SLC2A13: variants seen among roughly 807,000 people sequenced by gnomAD.
SLC2A13 encodes solute carrier family 2 member 13.
In SLC2A13, 32 loss-of-function variants were observed where a neutral mutation model predicts 64.4. The ratio of observed to expected loss-of-function variants is 0.50; its 90% CI spans 0.37 to 0.67. The LOEUF (loss-of-function observed/expected upper bound fraction) is 0.67, where lower values mean the gene tolerates loss of function less well. SLC2A13 is among the 30% of genes least tolerant of loss of function. SLC2A13 has a pLI of 0.00. For synonymous variants in SLC2A13, 338 were observed against 327.1 expected, an observed-to-expected ratio of 1.03 and a Z score of -0.36; for missense variants, 743 against 829.2, an observed-to-expected ratio of 0.90 and a Z score of 1.28.
At chr12:39,815,782 GA>G (rs1281371335) in intron 7 of SLC2A13, among the ~76,000 whole-genome samples, 1 of 152,152 alleles carries the variant, frequency 6.6e-6, no homozygotes, top group Non-Finnish European at 1.5e-5. Flanking sequence ...TCCCAGTCTG[GA>G]AAAAACAAAT....
chr12:39,988,742 A>T (rs1947080827), intron 3 of SLC2A13, among the ~76,000 whole-genome samples: 1 of 149,730 alleles, frequency 6.7e-6, no homozygotes, highest in African/African-American at 2.5e-5. Flanking sequence ...GGGGAGGAAA[A>T]TGCTGCTAAA....
At chr12:39,959,028 A>C (rs1004444255) in intron 3 of SLC2A13, among the ~76,000 whole-genome samples, 1 of 152,174 alleles carries the variant, frequency 6.6e-6, no homozygotes, top group Non-Finnish European at 1.5e-5. Flanking sequence ...TCCTTGATGA[A>C]TATAAGGAAT....
At chr12:40,074,166 A>AT (rs34071336) in intron 1 of SLC2A13, among the ~76,000 whole-genome samples, 65 of 121,882 alleles carry the variant, frequency 5.3e-4, no homozygotes, top group South Asian at 1.6e-3. Context: ...CATCAAAGAC[A>AT]TTTTTTTTTT....
chr12:40,059,485 G>T (rs1027489917), intron 1 of SLC2A13, among the ~76,000 whole-genome samples: 1 of 152,150 alleles, frequency 6.6e-6, no homozygotes, highest in Non-Finnish European at 1.5e-5. Context: ...TCCCACTTTA[G>T]GTTTGATTTC....
intron 4 of SLC2A13, among the ~76,000 whole-genome samples, chr12:39,896,515 TGTATACA>T (rs1944906590): frequency 7.2e-6 from 1 of 139,084 alleles, no homozygotes; most frequent in Non-Finnish European, 1.6e-5. Flanking sequence ...TGTACATGTG[TGTATACA>T]TGTATACATG....
chr12:40,066,079 T>C (rs1937705550), intron 1 of SLC2A13, among the ~76,000 whole-genome samples: 2 of 152,202 alleles, frequency 1.3e-5, no homozygotes, highest in African/African-American at 4.8e-5. Context: ...CACACACATA[T>C]TAAACAGAGC....
chr12:40,039,578 T>C (rs1210671197), intron 2 of SLC2A13, among the ~76,000 whole-genome samples: 1 of 152,248 alleles, frequency 6.6e-6, no homozygotes, highest in Non-Finnish European at 1.5e-5. Flanking sequence ...ATTCTAGTCA[T>C]TGTTCTACAG....
chr12:39,808,999 G>T (rs1942062457), intron 7 of SLC2A13, among the ~76,000 whole-genome samples: 2 of 152,060 alleles, frequency 1.3e-5, no homozygotes, highest in African/African-American at 2.4e-5. Flanking sequence ...ATGTCGCAAA[G>T]ATTTCCTCCT....
At chr12:40,010,186 A>G (rs1325595153) in intron 3 of SLC2A13, among the ~76,000 whole-genome samples, 9 of 152,232 alleles carry the variant, frequency 5.9e-5, no homozygotes, top group Non-Finnish European at 1.0e-4. Flanking sequence ...TCAAATGAAT[A>G]TCTTCTTAAC....
intron 1 of SLC2A13, among the ~76,000 whole-genome samples, chr12:40,060,489 T>G (rs752539181): frequency 6.6e-6 from 1 of 152,160 alleles, no homozygotes; most frequent in South Asian, 2.1e-4. Flanking sequence ...CCATGTACAC[T>G]GGGTTGTTTT....
At position 39,759,193 on chromosome 12, in the gene SLC2A13, T is replaced by C. The variant is rs1186113499; in HGVS notation, c.*833A>G. 4 of 152,506 alleles carry C rather than the reference T, an allele frequency of 2.6e-5. No homozygotes were observed. Among genetic ancestry groups the C allele is most frequent in the South Asian group, 2.1e-4 (1 of 4,834 alleles). The allele number at this position is 152,506 out of a possible 1,614,324, so 9.4% of individuals were successfully genotyped here. ...ATACAGTTAAAGATCTGGCACTATT[T>C]TGCATTTATAATTGCATACCTAAGT... On this transcript the variant is annotated 3_prime_UTR_variant, in exon 10 of 10. Coordinates refer to ENST00000280871, the MANE Select transcript of SLC2A13 (RefSeq NM_052885.4).
chr12:40,096,274 T>C (rs1938940764), intron 1 of SLC2A13, among the ~76,000 whole-genome samples: 1 of 152,082 alleles, frequency 6.6e-6, no homozygotes. Context: ...TCGTGTTCTT[T>C]TAATTTTCAC....
At chr12:39,829,392 CTTTTTTTT>C (rs1202354539) in intron 7 of SLC2A13, 5 of 65,796 alleles carry the variant, frequency 7.6e-5, no homozygotes, top group Non-Finnish European at 5.1e-5. Flanking sequence ...GATAGTAATT[CTTTTTTTT>C]TTTTTTTTTT....
At chr12:39,915,964 A>C (rs546182051) in intron 4 of SLC2A13, among the ~76,000 whole-genome samples, 1 of 152,092 alleles carries the variant, frequency 6.6e-6, no homozygotes, top group South Asian at 2.1e-4. Flanking sequence ...TTCAAAAGAC[A>C]AAGAATACCT....
intron 3 of SLC2A13, among the ~76,000 whole-genome samples, chr12:39,982,432 C>A (rs1456135664): frequency 6.7e-6 from 1 of 149,978 alleles, no homozygotes; most frequent in African/African-American, 2.5e-5. Flanking sequence ...AAAACCCCAT[C>A]GTCTCAGCCC....
chr12:40,070,599 G>C (rs1451454837), intron 1 of SLC2A13, among the ~76,000 whole-genome samples: 3 of 152,106 alleles, frequency 2.0e-5, no homozygotes, highest in African/African-American at 7.2e-5. Context: ...CAACTTTACA[G>C]AACAGAAAAA....
Position 40,105,758 on chromosome 12 carries a change from G to C in SLC2A13, c.51C>G (p.Ser17Arg), listed in dbSNP as rs748608502. 23 of 1,490,676 alleles carry C rather than the reference G, an allele frequency of 1.5e-5. No individual in the cohort carries two copies. The South Asian group carries it at 2.9e-4, about 19-fold the overall frequency. The allele number at this position is 1,490,676 out of a possible 1,614,324, so 92.3% of individuals were successfully genotyped here. Residue 17 changes from serine to arginine, a missense_variant, in exon 1 of 10, where the codon AGC becomes AGG. By Grantham distance (110) the Ser-to-Arg change is moderately radical (BLOSUM62 -1). This residue lies in a region of SLC2A13 where 448 missense variants were observed against 447.4 expected (regional missense o/e 1.00). Coordinates refer to ENST00000280871, the MANE Select transcript of SLC2A13 (RefSeq NM_052885.4). This position sits in a 1 kb window ranked among gnomAD's most constrained non-coding sequence, Gnocchi z 4.2. ...TCCTGCGCCGCTCGCCCATCAGGCT[G>C]CTCAGGCTCCGCAGCGTGTACTCCA... ...ENVEYTLRSLSSLMGERRRKQ... is the reference protein window; with the variant it reads ...ENVEYTLRSLRSLMGERRRKQ...
At chr12:40,000,854 T>G (rs1322585170) in intron 3 of SLC2A13, among the ~76,000 whole-genome samples, 1 of 152,200 alleles carries the variant, frequency 6.6e-6, no homozygotes, top group Non-Finnish European at 1.5e-5. Flanking sequence ...ACATATGAAT[T>G]TGTAGGGGAC....
intron 6 of SLC2A13, among the ~76,000 whole-genome samples, chr12:39,850,404 T>C (rs1020834056): frequency 2.0e-5 from 3 of 152,164 alleles, no homozygotes; most frequent in Non-Finnish European, 2.9e-5. Context: ...ATGGCACTCA[T>C]TGTTAGTTTG....
Sources: gnomAD v4.1 joint callset for allele counts (sites outside exome capture counted in the v4.1 genomes callset) on GRCh38, gnomAD v4.1.1 for gene constraint, gnomAD v4.1.1 regional missense constraint, Gnocchi (gnomAD v3.1) non-coding constraint, MANE v1.5 for transcripts, NCBI Gene and HGNC (gene_info 2026-07-23, HGNC 2026-07-21) for gene names.